SNX24: variants seen among roughly 807,000 people sequenced by gnomAD.
SNX24 encodes sorting nexin 24.
A neutral mutation model predicts 28.7 loss-of-function variants in SNX24; 22 were observed. The observed-to-expected ratio is 0.77, with a 90% CI of 0.55 to 1.10. The LOEUF is 1.10. Among genes scored for constraint, SNX24 ranks in the 50% least tolerant of loss-of-function variants. The probability of loss-of-function intolerance (pLI) is 0.00; values close to 1 mark genes in which losing one functional copy is unlikely to be tolerated. For synonymous variants in SNX24, 69 were observed against 71.5 expected, an observed-to-expected ratio of 0.96 and a Z score of 0.18; for missense variants, 221 against 201.1, an observed-to-expected ratio of 1.10 and a Z score of -0.60.
At chr5:122,903,604 G>T (rs559744283) in intron 1 of SNX24, among the ~76,000 whole-genome samples, 1 of 152,106 alleles carries the variant, frequency 6.6e-6, no homozygotes. Flanking sequence ...TCTTTGTTGC[G>T]TGAATGAAGA....
At chr5:122,996,866 G>A (rs1762069138) in intron 3 of SNX24, among the ~76,000 whole-genome samples, 1 of 152,162 alleles carries the variant, frequency 6.6e-6, no homozygotes, top group South Asian at 2.1e-4. Context: ...TTAAAACTTA[G>A]GAGCTTATTG....
chr5:123,025,958 G>A lies in SNX24; in HGVS notation n.384-3280G>A, dbSNP rs1215077450. ...TCTCATCTGGAAATGTCTCACCATAGATGCTCACACCTGAGACAAAACAAG... is the reference window on the plus strand; with the variant it reads ...TCTCATCTGGAAATGTCTCACCATAAATGCTCACACCTGAGACAAAACAAG... On this transcript the variant is annotated intron_variant and non_coding_transcript_variant, in intron 5 of 5. Transcript: ENST00000502387. The A allele has an allele frequency of 3.1e-6, 5 of 1,600,200 alleles. No individual in the cohort carries two copies. In the African/African-American group the frequency reaches 5.4e-5, roughly 17 times the overall value.
At chr5:122,905,073 A>G (rs986264088) in intron 1 of SNX24, among the ~76,000 whole-genome samples, 5 of 152,206 alleles carry the variant, frequency 3.3e-5, no homozygotes, top group African/African-American at 1.2e-4. Flanking sequence ...CAGTGAAAGT[A>G]TGTTAGAATG....
chr5:122,913,894 G>A (rs181118363), intron 1 of SNX24, among the ~76,000 whole-genome samples: 1,861 of 152,292 alleles, frequency 0.012, 41 homozygotes, highest in African/African-American at 0.043. Flanking sequence ...GATCACTCGC[G>A]GTTAGGAGCT....
intron 1 of SNX24, among the ~76,000 whole-genome samples, chr5:122,898,237 G>T (rs1295308786): frequency 6.6e-6 from 1 of 152,186 alleles, no homozygotes; most frequent in Non-Finnish European, 1.5e-5. Flanking sequence ...CTCCTACAGA[G>T]TCAGTCTTAA....
chr5:122,923,441 G>C (rs1221892173), intron 1 of SNX24, among the ~76,000 whole-genome samples: 1 of 152,072 alleles, frequency 6.6e-6, no homozygotes, highest in Non-Finnish European at 1.5e-5. Flanking sequence ...CTTTCCTCTT[G>C]TAAGTGGGGA....
intron 1 of SNX24, among the ~76,000 whole-genome samples, chr5:122,931,022 A>G (rs968516216): frequency 2.7e-4 from 41 of 152,226 alleles, no homozygotes; most frequent in Non-Finnish European, 4.7e-4. Flanking sequence ...TCTATCTGCA[A>G]CATTAAGTGA....
intron 6 of SNX24, among the ~76,000 whole-genome samples, chr5:123,003,784 C>T (rs1218653373): frequency 2.0e-5 from 3 of 152,134 alleles, no homozygotes; most frequent in African/African-American, 7.2e-5. Context: ...ACGTATGTAT[C>T]ATTGGTAGCA....
At chr5:122,877,896 G>T (rs1266826463) in intron 1 of SNX24, among the ~76,000 whole-genome samples, 1 of 151,964 alleles carries the variant, frequency 6.6e-6, no homozygotes, top group Non-Finnish European at 1.5e-5. Flanking sequence ...TGCTCCTATG[G>T]ACAGGAGCCC....
At chr5:122,925,415 AT>A (rs1758653031) in intron 1 of SNX24, among the ~76,000 whole-genome samples, 1 of 150,906 alleles carries the variant, frequency 6.6e-6, no homozygotes, top group African/African-American at 2.4e-5. Flanking sequence ...ACGTGCCACC[AT>A]ACCCAGCTAA....
chr5:122,875,692 C>A (rs1362241842), intron 1 of SNX24, among the ~76,000 whole-genome samples: 1 of 152,220 alleles, frequency 6.6e-6, no homozygotes, highest in Non-Finnish European at 1.5e-5. Context: ...TACTTTTGTA[C>A]CAACCTAATA....
chr5:122,979,875 C>T (rs1056121021), intron 3 of SNX24, among the ~76,000 whole-genome samples: 6 of 152,132 alleles, frequency 3.9e-5, no homozygotes, highest in East Asian at 1.9e-4. Context: ...GCGGTCCACC[C>T]GAATCTTTTG....
At chr5:122,967,850 C>T (rs539641660) in intron 3 of SNX24, among the ~76,000 whole-genome samples, 6 of 152,166 alleles carry the variant, frequency 3.9e-5, no homozygotes, top group Non-Finnish European at 7.3e-5. Context: ...CACGAGCTCA[C>T]GTGAATGGCA....
At chr5:122,955,149 T>G (rs2150133238) in intron 3 of SNX24, among the ~76,000 whole-genome samples, 1 of 152,258 alleles carries the variant, frequency 6.6e-6, no homozygotes, top group African/African-American at 2.4e-5. Flanking sequence ...ATTCCTTGCA[T>G]TCCACTGTTG....
intron 1 of SNX24, among the ~76,000 whole-genome samples, chr5:122,857,281 G>A (rs1205255143): frequency 6.6e-6 from 1 of 152,102 alleles, no homozygotes; most frequent in East Asian, 1.9e-4. Flanking sequence ...CAAAGTGCTG[G>A]GATTACAGGC....
intron 1 of SNX24, among the ~76,000 whole-genome samples, chr5:122,913,846 G>A (rs938587132): frequency 3.9e-5 from 6 of 152,206 alleles, no homozygotes; most frequent in African/African-American, 1.4e-4. Flanking sequence ...ACGAGACTCC[G>A]TCTGCAATCC....
intron 1 of SNX24, among the ~76,000 whole-genome samples, chr5:122,887,707 G>A (rs548521336): frequency 6.6e-6 from 1 of 152,148 alleles, no homozygotes; most frequent in South Asian, 2.1e-4. Context: ...TTCAGTCACT[G>A]TATTTTTTCT....
intron 1 of SNX24, 147 bp downstream of exon 1, chr5:122,845,840 C>T: frequency 2.3e-6 from 1 of 440,076 alleles, no homozygotes; most frequent in Non-Finnish European, 3.7e-6. Flanking sequence ...GGGCTGCGCC[C>T]TTGGCGCGGT....
chr5:122,888,413 A>G (rs1235625709), intron 1 of SNX24, among the ~76,000 whole-genome samples: 1 of 151,886 alleles, frequency 6.6e-6, no homozygotes, highest in Non-Finnish European at 1.5e-5. Flanking sequence ...TGTCTTGGGC[A>G]TATTATTTAA....
Sources: allele counts gnomAD v4.1 joint callset (sites outside exome capture counted in the v4.1 genomes callset), GRCh38; gene constraint gnomAD v4.1.1; transcripts MANE v1.5; gene names NCBI Gene and HGNC (gene_info 2026-07-23, HGNC 2026-07-21).